Variants in MAGI3 observed in about 807,000 individuals in gnomAD.
The protein encoded by MAGI3 is membrane associated guanylate kinase, WW and PDZ domain containing 3.
MAGI3 carries 43 observed loss-of-function variants against 121.8 expected under a neutral mutation model. The observed-to-expected ratio is 0.35, with a 90% CI of 0.28 to 0.46. MAGI3 has a LOEUF of 0.46. Among genes scored for constraint, MAGI3 ranks in the 20% least tolerant of loss-of-function variants. The probability of loss-of-function intolerance (pLI) is 1.00; values close to 1 mark genes in which losing one functional copy is unlikely to be tolerated. For missense variants in MAGI3, 1,547 were observed against 1,797.3 expected (o/e 0.86, Z 2.52); for synonymous variants, 553 against 639.3 (o/e 0.86, Z 2.04).
chr1:113,661,609 G>C (rs1024861089), intron 16 of MAGI3, among the ~76,000 whole-genome samples: 1 of 152,158 alleles, frequency 6.6e-6, no homozygotes, highest in Non-Finnish European at 1.5e-5. Flanking sequence ...TTTTCTCCAA[G>C]AGATTATCCA....
intron 1 of MAGI3, among the ~76,000 whole-genome samples, chr1:113,440,894 A>G (rs1240529830): frequency 6.6e-6 from 1 of 152,190 alleles, no homozygotes; most frequent in East Asian, 1.9e-4. Flanking sequence ...TTAAGTGCTA[A>G]CATTTTACAA....
chr1:113,559,125 T>C (rs1012809466), intron 2 of MAGI3, among the ~76,000 whole-genome samples: 7 of 152,202 alleles, frequency 4.6e-5, no homozygotes, highest in Admixed American at 1.3e-4. Context: ...CCAGTGACGT[T>C]ATGAAGCAGC....
chr1:113,394,806 G>A (rs968191427), intron 1 of MAGI3, among the ~76,000 whole-genome samples: 1 of 152,104 alleles, frequency 6.6e-6, no homozygotes, highest in African/African-American at 2.4e-5. Flanking sequence ...AGCAAGTAGT[G>A]TATCCAGGGA....
intron 6 of MAGI3, among the ~76,000 whole-genome samples, chr1:113,604,565 C>CAAAAAAAA (rs59047770): frequency 6.5e-5 from 4 of 62,006 alleles, no homozygotes; most frequent in Non-Finnish European, 1.1e-4. Context: ...GTCTCCATCT[C>CAAAAAAAA]AAAAAAAAAA....
intron 9 of MAGI3, among the ~76,000 whole-genome samples, chr1:113,626,621 T>C (rs1303411649): frequency 1.3e-5 from 2 of 152,192 alleles, no homozygotes; most frequent in Non-Finnish European, 2.9e-5. Flanking sequence ...ATGGCTTCAA[T>C]CTTGTTGCTT....
intron 9 of MAGI3, among the ~76,000 whole-genome samples, chr1:113,634,989 G>A (rs1230939819): frequency 3.3e-5 from 5 of 152,158 alleles, no homozygotes; most frequent in Middle Eastern, 6.8e-3. Context: ...TATTCTCTTT[G>A]AAGCAATTGT....
At chr1:113,420,816 A>G (rs935534280) in intron 1 of MAGI3, among the ~76,000 whole-genome samples, 5 of 152,170 alleles carry the variant, frequency 3.3e-5, no homozygotes, top group African/African-American at 9.7e-5. Flanking sequence ...AGGTAGACTC[A>G]AAAAGCTTTT....
intron 1 of MAGI3, among the ~76,000 whole-genome samples, chr1:113,539,126 G>A (rs1299493544): frequency 2.0e-5 from 3 of 152,128 alleles, no homozygotes; most frequent in Admixed American, 1.3e-4. Flanking sequence ...CGGATGTGGT[G>A]GCTCACTCCT....
intron 1 of MAGI3, among the ~76,000 whole-genome samples, chr1:113,392,427 G>A (rs1025080769): frequency 6.6e-6 from 1 of 152,180 alleles, no homozygotes; most frequent in Non-Finnish European, 1.5e-5. Flanking sequence ...CAAAATGCTA[G>A]AAAATTCTGG....
chr1:113,569,015 C>T (rs549002884), intron 2 of MAGI3, among the ~76,000 whole-genome samples: 2 of 152,066 alleles, frequency 1.3e-5, no homozygotes, highest in Non-Finnish European at 2.9e-5. Context: ...TGACAAGATA[C>T]TCTCTGTTCC....
chr1:113,512,777 G>A (rs1373429660), intron 1 of MAGI3, among the ~76,000 whole-genome samples: 3 of 152,260 alleles, frequency 2.0e-5, no homozygotes, highest in East Asian at 1.9e-4. Context: ...TCTGGCCAGG[G>A]CAATTAGGCA....
chr1:113,480,969 A>G (rs1008168311), intron 1 of MAGI3, among the ~76,000 whole-genome samples: 2 of 152,358 alleles, frequency 1.3e-5, no homozygotes, highest in East Asian at 1.9e-4. Context: ...CACAAAAGCC[A>G]GAAGAAGGGA....
chr1:113,560,882 A>C (rs1191215168), intron 2 of MAGI3, among the ~76,000 whole-genome samples: 3 of 152,314 alleles, frequency 2.0e-5, no homozygotes, highest in African/African-American at 7.2e-5. Context: ...TTAATAAACA[A>C]GAAAAGAGAG....
intron 1 of MAGI3, among the ~76,000 whole-genome samples, chr1:113,458,368 T>A (rs1557767926): frequency 6.6e-6 from 1 of 152,284 alleles, no homozygotes; most frequent in East Asian, 1.9e-4. Context: ...AATGGGCAAC[T>A]CTTGAGATTG....
rs187148182 is a variant in MAGI3, at chr1:113,574,285, G to A, written c.434-6257G>A. Among the ~76,000 whole-genome samples the A allele has an allele frequency of 3.3e-3, 497 of 152,234 alleles. 1 individual carries two copies. Among genetic ancestry groups the A allele is most frequent in the Non-Finnish European group, 5.5e-3 (376 of 68,012 alleles). On this transcript the variant is annotated intron_variant, in intron 2 of 20. Coordinates refer to ENST00000307546, the MANE Select transcript of MAGI3 (RefSeq NM_001142782.2). ...CATTAGTCGATGCAGTTTCTTCATA[G>A]GGTTGTTGGTCTTTATATTTTGGTA... is the stretch of plus-strand genomic sequence containing the variant.
At chr1:113,413,483 C>G (rs1469090062) in intron 1 of MAGI3, among the ~76,000 whole-genome samples, 1 of 152,124 alleles carries the variant, frequency 6.6e-6, no homozygotes, top group Non-Finnish European at 1.5e-5. Context: ...TGGCCATTTT[C>G]ACAATATTGA....
At chr1:113,656,773 A>G (rs1653496695) in intron 15 of MAGI3, among the ~76,000 whole-genome samples, 1 of 152,152 alleles carries the variant, frequency 6.6e-6, no homozygotes, top group South Asian at 2.1e-4. Flanking sequence ...TGTCTCAAGA[A>G]GAGTTCCTAG....
chr1:113,485,277 A>G (rs1656331080), intron 1 of MAGI3, among the ~76,000 whole-genome samples: 1 of 152,200 alleles, frequency 6.6e-6, no homozygotes, highest in African/African-American at 2.4e-5. Context: ...CCCACCAACA[A>G]TGTAAAAGTG....
chr1:113,585,264 A>C lies in MAGI3; in HGVS notation c.554-123A>C, dbSNP rs3789594. On this transcript the variant is annotated intron_variant, in intron 3 of 20. Transcript: ENST00000307546. Reference sequence around the variant, plus strand: ...ATTACAAGTGTGAGCCACCATGCCCACCCCTATGGTAGATATTTCAAAACT... The same window carrying C: ...ATTACAAGTGTGAGCCACCATGCCCCCCCCTATGGTAGATATTTCAAAACT... 8,106 of 834,712 alleles carry C rather than the reference A, an allele frequency of 9.7e-3. 212 individuals carry two copies. Among genetic ancestry groups the C allele is most frequent in the East Asian group, 0.072 (2,727 of 37,724 alleles). 51.7% of individuals were successfully genotyped at this position (834,712 alleles called of 1,614,324 possible).
Sources: allele counts gnomAD v4.1 joint callset (sites outside exome capture counted in the v4.1 genomes callset), GRCh38; gene constraint gnomAD v4.1.1; transcripts MANE v1.5; gene names NCBI Gene and HGNC (gene_info 2026-07-23, HGNC 2026-07-21).